Variants in DPH6 observed in about 807,000 individuals in gnomAD.
DPH6 encodes diphthamine biosynthesis 6, also known as diphthine--ammonia ligase.
In DPH6, 33 loss-of-function variants were observed where a neutral mutation model predicts 38.2. The observed-to-expected ratio is 0.86, with a 90% confidence interval of 0.65 to 1.15. The LOEUF (loss-of-function observed/expected upper bound fraction) is 1.15. DPH6 is among the 50% of genes most tolerant of loss of function. The probability of loss-of-function intolerance (pLI) is 0.00; values close to 1 mark genes in which losing one functional copy is unlikely to be tolerated. For missense variants in DPH6, 325 were observed against 320.0 expected (o/e 1.02, Z -0.12); for synonymous variants, 108 against 103.0 (o/e 1.05, Z -0.30).
chr15:35,250,749 A>T (rs2051668412), intron 3 of DPH6, among the ~76,000 whole-genome samples: 2 of 152,204 alleles, frequency 1.3e-5, no homozygotes, highest in Admixed American at 6.5e-5. Context: ...AAGGAGAAGG[A>T]AGACATATAA....
chr15:35,151,388 C>G, the DPH6 span, among the ~76,000 whole-genome samples: 1 of 152,166 alleles, frequency 6.6e-6, no homozygotes, highest in Non-Finnish European at 1.5e-5. Flanking sequence ...ATTGATGTCT[C>G]TGGTCCATGG....
the DPH6 span, among the ~76,000 whole-genome samples, chr15:35,199,139 C>T: frequency 6.6e-6 from 1 of 152,160 alleles, no homozygotes; most frequent in Non-Finnish European, 1.5e-5. Context: ...AGGCTAACTT[C>T]TGACCTCAGG....
intron 3 of DPH6, among the ~76,000 whole-genome samples, chr15:35,362,410 C>G (rs537812416): frequency 3.3e-5 from 5 of 152,250 alleles, no homozygotes; most frequent in Non-Finnish European, 7.4e-5. Flanking sequence ...ATCTGAAAAT[C>G]TGGAATACTG....
the DPH6 span, among the ~76,000 whole-genome samples, chr15:35,201,362 T>C: frequency 6.6e-6 from 1 of 151,878 alleles, no homozygotes; most frequent in African/African-American, 2.4e-5. Flanking sequence ...CTAGGTGCAG[T>C]AGTACCATAC....
the DPH6 span, among the ~76,000 whole-genome samples, chr15:35,162,251 G>T: frequency 2.0e-5 from 3 of 151,830 alleles, no homozygotes; most frequent in African/African-American, 4.8e-5. Context: ...ATATATTTTA[G>T]AAAGGTGAGT....
intron 3 of DPH6, among the ~76,000 whole-genome samples, chr15:35,338,899 G>T (rs1169510000): frequency 6.6e-6 from 1 of 152,054 alleles, no homozygotes; most frequent in African/African-American, 2.4e-5. Context: ...GGATGAAATT[G>T]GAAACCATCA....
intron 3 of DPH6, among the ~76,000 whole-genome samples, chr15:35,511,284 C>A (rs2054766404): frequency 6.6e-6 from 1 of 151,988 alleles, no homozygotes; most frequent in Non-Finnish European, 1.5e-5. Context: ...ATAAATATTA[C>A]AGATGACCAT....
intron 3 of DPH6, among the ~76,000 whole-genome samples, chr15:35,260,847 C>G (rs934947211): frequency 1.3e-5 from 2 of 152,128 alleles, no homozygotes; most frequent in Non-Finnish European, 2.9e-5. Flanking sequence ...TCCAGATGTA[C>G]TGGGCCTAAG....
chr15:35,463,496 C>A (rs2054090499), intron 3 of DPH6, among the ~76,000 whole-genome samples: 1 of 151,852 alleles, frequency 6.6e-6, no homozygotes. Flanking sequence ...AGAGGGAAAA[C>A]AAAGCAGTCA....
chr15:35,450,565 G>A, intron 5 of DPH6, 120 bp downstream of exon 5: 1 of 827,376 alleles, frequency 1.2e-6, no homozygotes, highest in Admixed American at 2.4e-5. Flanking sequence ...AATTTCTTCA[G>A]CTGTGACTCC....
chr15:35,494,448 T>C (rs2054522728), intron 3 of DPH6, among the ~76,000 whole-genome samples: 2 of 152,204 alleles, frequency 1.3e-5, no homozygotes, highest in African/African-American at 2.4e-5. Flanking sequence ...ACCTGCCTAC[T>C]TGGCAAAAAT....
intron 3 of DPH6, among the ~76,000 whole-genome samples, chr15:35,338,675 T>C (rs1402016258): frequency 6.6e-6 from 1 of 152,160 alleles, no homozygotes; most frequent in Non-Finnish European, 1.5e-5. Flanking sequence ...AGCCATCCCA[T>C]TACTGGGTAT....
chr15:35,194,558 C>A, the DPH6 span, among the ~76,000 whole-genome samples: 1 of 152,200 alleles, frequency 6.6e-6, no homozygotes, highest in East Asian at 1.9e-4. Flanking sequence ...TTAATAATAA[C>A]CTATTTTTCT....
the DPH6 span, among the ~76,000 whole-genome samples, chr15:35,209,263 C>T: frequency 6.6e-6 from 1 of 151,990 alleles, no homozygotes; most frequent in East Asian, 1.9e-4. Flanking sequence ...AGTTCTTAAC[C>T]TCAACAAAGA....
At chr15:35,245,117 A>G (rs1225642463) in intron 3 of DPH6, among the ~76,000 whole-genome samples, 2 of 152,146 alleles carry the variant, frequency 1.3e-5, no homozygotes, top group Non-Finnish European at 2.9e-5. Context: ...AAAAATGAAC[A>G]ATTTATACAA....
the DPH6 span, among the ~76,000 whole-genome samples, chr15:35,197,928 A>G: frequency 6.6e-6 from 1 of 152,142 alleles, no homozygotes; most frequent in African/African-American, 2.4e-5. Context: ...GACATTACAG[A>G]TTTTGTCACT....
In DPH6 at chr15:35,241,933, G is replaced by C. The variant is rs924614852; in HGVS notation, n.201-21351C>G. On this transcript the variant is annotated intron_variant and non_coding_transcript_variant, in intron 3 of 3. Transcript: ENST00000560386. ...GGATCTATGCCTTATCAACCAAATT[G>C]TTTTGCCTATCCACCCCATGGTGCC... Among the ~76,000 whole-genome samples the C allele has an allele frequency of 7.6e-5, 11 of 143,990 alleles. 1 individual carries two copies. In the Admixed American group the frequency reaches 8.2e-4, roughly 11 times the overall value. 94.5% of individuals were successfully genotyped at this position (143,990 alleles called of 152,430 possible).
the DPH6 span, among the ~76,000 whole-genome samples, chr15:35,167,918 T>C: frequency 6.6e-6 from 1 of 152,058 alleles, no homozygotes; most frequent in African/African-American, 2.4e-5. Flanking sequence ...AATTTTCCCA[T>C]ACTTTCAATG....
chr15:35,510,203 A>G (rs2054749608), intron 3 of DPH6, among the ~76,000 whole-genome samples: 1 of 152,164 alleles, frequency 6.6e-6, no homozygotes, highest in South Asian at 2.1e-4. Context: ...ACAGAAGGAA[A>G]TCCTGACTCT....
Sources: gnomAD v4.1 joint callset for allele counts (sites outside exome capture counted in the v4.1 genomes callset) on GRCh38, gnomAD v4.1.1 for gene constraint, MANE v1.5 for transcripts, NCBI Gene and HGNC (gene_info 2026-07-23, HGNC 2026-07-21) for gene names.